ATP8A2: variants seen among roughly 807,000 people sequenced by gnomAD.
ATP8A2 encodes the protein phospholipid-transporting ATPase IB.
A neutral mutation model predicts 165.6 loss-of-function variants in ATP8A2; 100 were observed. The observed-to-expected ratio is 0.60, with a 90% CI of 0.51 to 0.71. ATP8A2 has a LOEUF of 0.71. ATP8A2 is among the 30% of genes least tolerant of loss of function. The pLI, the probability that ATP8A2 is intolerant of heterozygous loss-of-function variation, is 0.00. For synonymous variants in ATP8A2, 543 were observed against 548.8 expected, an observed-to-expected ratio of 0.99 and a Z score of 0.15; for missense variants, 1,227 against 1,479.5, an observed-to-expected ratio of 0.83 and a Z score of 2.80.
intron 24 of ATP8A2, among the ~76,000 whole-genome samples, chr13:25,592,207 G>T (rs1485197154): frequency 6.6e-6 from 1 of 151,330 alleles, no homozygotes. Flanking sequence ...TTTTAATCAG[G>T]TTTTTTTTCA....
rs1292610937 is a variant in ATP8A2, at chr13:25,489,574, C to G, written c.221+20453C>G. Among the ~76,000 whole-genome samples the G allele has an allele frequency of 3.9e-5, 6 of 152,146 alleles. No individual in the cohort carries two copies. The East Asian group carries it at 1.2e-3, about 29-fold the overall frequency. ...TTGATGACAAAGTCTGTCTGTTTCC[C>G]CTCGCATCCTCCCCAGCACGACGCA... On this transcript the variant is annotated intron_variant, in intron 2 of 36. Coordinates refer to ENST00000381655, the MANE Select transcript of ATP8A2 (RefSeq NM_016529.6).
In ATP8A2 at chr13:25,799,049, A is replaced by G. The variant is rs553080810; in HGVS notation, c.2679+24090A>G. Reference sequence around the variant, plus strand: ...AGAAAAGCACACCAATTTATTTAATATAAGTTTTATGTGGCACGGGAGCCC... The same window carrying G: ...AGAAAAGCACACCAATTTATTTAATGTAAGTTTTATGTGGCACGGGAGCCC... On this transcript the variant is annotated intron_variant, in intron 27 of 36. Coordinates refer to ENST00000381655, the MANE Select transcript of ATP8A2 (RefSeq NM_016529.6). 8.9e-4 allele frequency among the ~76,000 whole-genome samples: 136 copies of G among 152,202 alleles called. 1 individual carries two copies. The highest frequency in any genetic ancestry group is 2.9e-3 in the African/African-American group (120 of 41,550).
Position 25,860,801 on chromosome 13 carries a change from C to A in ATP8A2, c.3019-3C>A. 1.3e-6 allele frequency: 2 copies of A among 1,591,172 alleles called. No individual in the cohort carries two copies. The highest frequency in any genetic ancestry group is 2.7e-5 in the African/African-American group (2 of 74,822). ...GTTTCCAAACTGTCTTTTATTTTCA[C>A]AGTATGTTGTTGTTACTGTTTGTCT... On this transcript the variant is annotated splice_polypyrimidine_tract_variant and splice_region_variant and intron_variant, in intron 31 of 36. Transcript: ENST00000381655.
chr13:25,382,867 T>G lies in ATP8A2; in HGVS notation c.76+10579T>G, dbSNP rs538785694. On this transcript the variant is annotated intron_variant, in intron 1 of 36. Coordinates refer to ENST00000381655, the MANE Select transcript of ATP8A2 (RefSeq NM_016529.6). ...GCCTCCCGGGTTCACGCCATTCTCC[T>G]GCCTCAGCCTCCCGAGTAGCTGGGA... 3.3e-5 allele frequency among the ~76,000 whole-genome samples: 5 copies of G among 151,994 alleles called. No homozygotes were observed. In the South Asian group the frequency reaches 1.0e-3, roughly 32 times the overall value.
chr13:25,932,136 T>C (rs2139073888), intron 33 of ATP8A2, among the ~76,000 whole-genome samples: 1 of 151,920 alleles, frequency 6.6e-6, no homozygotes, highest in African/African-American at 2.4e-5. Context: ...CAGTGATGGA[T>C]GCTCCCCGTA....
intron 27 of ATP8A2, among the ~76,000 whole-genome samples, chr13:25,804,009 A>C (rs1950675865): frequency 6.6e-6 from 1 of 152,232 alleles, no homozygotes; most frequent in African/African-American, 2.4e-5. Context: ...AGAAATAACA[A>C]ATGATTATAC....
chr13:25,958,971 A>G (rs1042265756), intron 33 of ATP8A2, among the ~76,000 whole-genome samples: 1 of 152,228 alleles, frequency 6.6e-6, no homozygotes, highest in Non-Finnish European at 1.5e-5. Context: ...ATTTTAAATG[A>G]TACATTATGT....
chr13:25,699,366 C>A, intron 25 of ATP8A2, 21 bp downstream of exon 25: 1 of 1,575,046 alleles, frequency 6.3e-7, no homozygotes. Context: ...GCAGGCTGTG[C>A]ACAGTTCACA....
At chr13:25,385,993 G>A (rs2033029554) in intron 1 of ATP8A2, among the ~76,000 whole-genome samples, 1 of 150,844 alleles carries the variant, frequency 6.6e-6, no homozygotes, top group Non-Finnish European at 1.5e-5. Flanking sequence ...GCGGTACACT[G>A]CAACCTCTGC....
intron 24 of ATP8A2, among the ~76,000 whole-genome samples, chr13:25,609,900 G>A (rs1472053290): frequency 6.6e-6 from 1 of 151,492 alleles, no homozygotes; most frequent in Non-Finnish European, 1.5e-5. Context: ...ATGTTTGTTG[G>A]CCATTTGTAT....
rs149541129 is a variant in ATP8A2 at position 25,904,426 on chromosome 13, C to T, written c.3183+42018C>T. ...GTTTCCTCATAGAATCATGCCCAGACTCAAAGTGACAGTCACAAACCCGCA... is the reference window on the plus strand; with the variant it reads ...GTTTCCTCATAGAATCATGCCCAGATTCAAAGTGACAGTCACAAACCCGCA... On this transcript the variant is annotated intron_variant, in intron 33 of 36. Transcript: ENST00000381655. Among the ~76,000 whole-genome samples the T allele has an allele frequency of 6.1e-3, 934 of 152,332 alleles. 14 individuals carry two copies. The highest frequency in any genetic ancestry group is 0.022 in the African/African-American group (897 of 41,580).
chr13:25,394,522 C>A (rs7986601), intron 1 of ATP8A2, among the ~76,000 whole-genome samples: 1,545 of 152,262 alleles, frequency 0.01, 28 homozygotes, highest in African/African-American at 0.035. Context: ...GGCAACCAAC[C>A]AGAAGAGGAA....
chr13:26,019,833 G>C, intron 36 of ATP8A2, 55 bp from the exon 37 acceptor site: 2 of 1,301,414 alleles, frequency 1.5e-6, no homozygotes, highest in Non-Finnish European at 2.2e-6. Flanking sequence ...TTTAAACCTA[G>C]TGTGCTCCCC....
intron 14 of ATP8A2, 100 bp from the exon 15 acceptor site, chr13:25,559,621 A>C (rs770476364): frequency 1.1e-6 from 1 of 877,950 alleles, no homozygotes; most frequent in Non-Finnish European, 1.9e-6. Flanking sequence ...GAGAATCTGT[A>C]AGTTTGTATA....
chr13:25,833,392 G>A (rs1200471184), intron 28 of ATP8A2, among the ~76,000 whole-genome samples: 2 of 152,048 alleles, frequency 1.3e-5, no homozygotes, highest in African/African-American at 4.8e-5. Flanking sequence ...ACACATATCT[G>A]AGAATAAATA....
chr13:25,542,893 T>C (rs1248226299), intron 9 of ATP8A2, among the ~76,000 whole-genome samples: 1 of 152,102 alleles, frequency 6.6e-6, no homozygotes, highest in Non-Finnish European at 1.5e-5. Context: ...TCCTTCCTAA[T>C]AGTCTGTAAA....
At position 25,769,030 on chromosome 13, in the gene ATP8A2, C is replaced by T. The variant is rs1369639290; in HGVS notation, c.2385-16C>T. ...AAAGACATGCATAGCTCTGATTTCC[C>T]TCTCTTTTCTCACAGAGTGTCTCCT... On this transcript the variant is annotated splice_polypyrimidine_tract_variant and intron_variant, in intron 25 of 36. Transcript: ENST00000381655. 8 of 1,613,006 alleles carry T rather than the reference C, an allele frequency of 5.0e-6. No individual in the cohort carries two copies. Among genetic ancestry groups the T allele is most frequent in the Non-Finnish European group, 5.9e-6 (7 of 1,179,148 alleles).
chr13:25,848,151 T>A (rs2138696452), intron 30 of ATP8A2, among the ~76,000 whole-genome samples: 1 of 152,376 alleles, frequency 6.6e-6, no homozygotes, highest in East Asian at 1.9e-4. Flanking sequence ...CTGTGCCTCC[T>A]GCTTCTAGCA....
chr13:25,512,810 G>A (rs1251069403), intron 2 of ATP8A2, among the ~76,000 whole-genome samples: 2 of 144,012 alleles, frequency 1.4e-5, no homozygotes, highest in African/African-American at 5.2e-5. Context: ...CCTCCCGTAC[G>A]GGGCGGCTGG....
Sources: gnomAD v4.1 joint callset for allele counts (sites outside exome capture counted in the v4.1 genomes callset) on GRCh38, gnomAD v4.1.1 for gene constraint, MANE v1.5 for transcripts, NCBI Gene and HGNC (gene_info 2026-07-23, HGNC 2026-07-21) for gene names.